Variants in ABL2 observed in about 807,000 individuals in gnomAD.
The protein encoded by ABL2 is tyrosine-protein kinase ABL2.
Under a neutral mutation model 107.7 loss-of-function variants are expected in ABL2, and 49 were observed. The ratio of observed to expected loss-of-function variants is 0.45; its 90% CI spans 0.36 to 0.58. ABL2 has a LOEUF of 0.58. Ranked by LOEUF, ABL2 falls within the 20% of genes least tolerant of loss-of-function variation. The pLI, the probability that ABL2 is intolerant of heterozygous loss-of-function variation, is 0.00. For synonymous variants in ABL2, 549 were observed against 548.6 expected (o/e 1.00, Z -0.01); for missense variants, 1,245 against 1,457.0 (o/e 0.85, Z 2.37).
intron 1 of ABL2, among the ~76,000 whole-genome samples, chr1:179,154,486 T>C (rs1658562072): frequency 2.0e-5 from 3 of 152,230 alleles, no homozygotes. Flanking sequence ...TCTACTGTGT[T>C]TTCCTCCTGC....
intron 1 of ABL2, among the ~76,000 whole-genome samples, chr1:179,170,334 T>C (rs954263384): frequency 6.6e-6 from 1 of 152,144 alleles, no homozygotes; most frequent in Non-Finnish European, 1.5e-5. Flanking sequence ...GTTTCCAACA[T>C]GCAAGCTTTG....
chr1:179,205,278 A>G (rs758054876), intron 1 of ABL2, among the ~76,000 whole-genome samples: 7 of 151,746 alleles, frequency 4.6e-5, no homozygotes, highest in African/African-American at 7.3e-5. Flanking sequence ...GCCCACCTCA[A>G]CCTCCCAAAG....
At position 179,131,384 on chromosome 1, in the gene ABL2, C is replaced by G. The variant is rs763949080; in HGVS notation, c.318G>C (p.Glu106Asp). The G allele has an allele frequency of 6.2e-7, 1 of 1,614,234 alleles. No individual in the cohort carries two copies. Among genetic ancestry groups the G allele is most frequent in the African/African-American group, 1.3e-5 (1 of 75,070 alleles). Residue 106 changes from glutamate (E) to aspartate (D), a missense_variant, in exon 3 of 12, where the codon GAG becomes GAC. Coordinates refer to ENST00000502732, the MANE Select transcript of ABL2 (RefSeq NM_007314.4). ...GTGCAACGAAGAGATTAGGGTCACT[C>G]TCAGTGGCTCCGAGCAAGTTCTCCT... ...SSKENLLGAT[E>D]SDPNLFVALY...
chr1:179,107,611 C>T lies in ABL2; in HGVS notation c.*107G>A, dbSNP rs1653555244. ...GGATCTGAGGTACTTCACATAAACA[C>T]ACTCAAGTATGAGTCTTTCATTTTC... On this transcript the variant is annotated 3_prime_UTR_variant, in exon 12 of 12. Coordinates refer to ENST00000502732, the MANE Select transcript of ABL2 (RefSeq NM_007314.4). The T allele has an allele frequency of 4.0e-6, 6 of 1,506,720 alleles. No individual in the cohort carries two copies. The South Asian group carries it at 4.1e-5, about 10-fold the overall frequency. The allele number at this position is 1,506,720 out of a possible 1,614,324, so 93.3% of individuals were successfully genotyped here.
At chr1:179,130,331 G>C (rs555956684) in intron 3 of ABL2, among the ~76,000 whole-genome samples, 3 of 152,232 alleles carry the variant, frequency 2.0e-5, no homozygotes, top group Admixed American at 6.5e-5. Context: ...CTGCCTATCT[G>C]AGGACTGTTC....
At chr1:179,226,045 A>C (rs1298413039) in intron 1 of ABL2, among the ~76,000 whole-genome samples, 1 of 60,922 alleles carries the variant, frequency 1.6e-5, no homozygotes, top group Non-Finnish European at 3.8e-5. Flanking sequence ...CTCCGCCTCA[A>C]AAAAAAAAAA....
intron 1 of ABL2, among the ~76,000 whole-genome samples, chr1:179,133,584 A>C (rs1462040697): frequency 6.6e-6 from 1 of 152,134 alleles, no homozygotes; most frequent in African/African-American, 2.4e-5. Context: ...CTTGGTTCAC[A>C]CAGTCCAGAC....
intron 1 of ABL2, among the ~76,000 whole-genome samples, chr1:179,220,775 G>A (rs1399760709): frequency 6.6e-6 from 1 of 152,284 alleles, no homozygotes; most frequent in Non-Finnish European, 1.5e-5. Context: ...TGAAACTGAA[G>A]GTCTTTTCAC....
At chr1:179,226,474 A>G (rs1444699214) in intron 1 of ABL2, among the ~76,000 whole-genome samples, 3 of 151,774 alleles carry the variant, frequency 2.0e-5, no homozygotes, top group African/African-American at 7.3e-5. Context: ...ATGCCCAGCT[A>G]ATTTTTCTAT....
At chr1:179,119,414 G>A (rs577039784) in intron 6 of ABL2, among the ~76,000 whole-genome samples, 2 of 152,058 alleles carry the variant, frequency 1.3e-5, no homozygotes, top group South Asian at 4.1e-4. Flanking sequence ...TGCACGTTGA[G>A]GCACGAGAAT....
chr1:179,116,427 G>A (rs1304223321), intron 8 of ABL2, among the ~76,000 whole-genome samples: 1 of 151,892 alleles, frequency 6.6e-6, no homozygotes, highest in African/African-American at 2.4e-5. Context: ...ACAGAGGGAG[G>A]ATCATTAGCA....
intron 1 of ABL2, among the ~76,000 whole-genome samples, chr1:179,178,689 A>C (rs1660197840): frequency 6.6e-6 from 1 of 152,158 alleles, no homozygotes; most frequent in South Asian, 2.1e-4. Flanking sequence ...CAGGAGTTCA[A>C]GACAAGTCTG....
At chr1:179,222,052 C>T (rs1662898104) in intron 1 of ABL2, 1 of 194,176 alleles carries the variant, frequency 5.1e-6, no homozygotes, top group Non-Finnish European at 1.2e-5. Flanking sequence ...TGTGTGATTG[C>T]AGCCCACGGC....
chr1:179,191,523 C>A (rs977681108), intron 1 of ABL2, among the ~76,000 whole-genome samples: 13 of 146,452 alleles, frequency 8.9e-5, no homozygotes. Context: ...TGGGTTCAAG[C>A]GATTCTCTTG....
At chr1:179,165,439 A>C (rs917753404) in intron 1 of ABL2, among the ~76,000 whole-genome samples, 4 of 152,188 alleles carry the variant, frequency 2.6e-5, no homozygotes. Context: ...ATTAAAAAAA[A>C]AAACTAGTAC....
Position 179,117,379 on chromosome 1 carries a change from G to T in ABL2, c.1361C>A (p.Pro454Gln). The change falls in exon 8 of 12, where the codon CCA becomes CAA. Residue 454 changes from proline (P) to glutamine (Q), a missense_variant. By Grantham distance (76) the Pro-to-Gln change is moderately conservative (BLOSUM62 -1). Coordinates refer to ENST00000502732, the MANE Select transcript of ABL2 (RefSeq NM_007314.4). ...GAKFPIKWTA[P>Q]ESLAYNTFSI... is the part of the protein sequence containing the mutation. ...GAAGGTATTGTAGGCAAGACTCTCTGGTGCTGTCCACTTAATAGGAAATTT... is the reference window on the plus strand; with the variant it reads ...GAAGGTATTGTAGGCAAGACTCTCTTGTGCTGTCCACTTAATAGGAAATTT... The T allele has an allele frequency of 6.2e-7, 1 of 1,614,136 alleles. No individual in the cohort carries two copies. The highest frequency in any genetic ancestry group is 8.5e-7 in the Non-Finnish European group (1 of 1,180,034).
chr1:179,213,288 G>GTATT (rs937506517), intron 1 of ABL2, among the ~76,000 whole-genome samples: 2 of 151,476 alleles, frequency 1.3e-5, no homozygotes, highest in Non-Finnish European at 2.9e-5. Flanking sequence ...TAGCTTATTT[G>GTATT]TATTTATTTA....
At chr1:179,115,124 T>TAC in intron 8 of ABL2, 94 bp from the exon 9 acceptor site, 2 of 1,192,070 alleles carry the variant, frequency 1.7e-6, no homozygotes, top group Non-Finnish European at 2.3e-6. Context: ...TAGGTAACAT[T>TAC]CACACACTGT....
At chr1:179,140,985 G>C (rs2017688) in intron 1 of ABL2, among the ~76,000 whole-genome samples, 12,999 of 151,834 alleles carry the variant, frequency 0.086, 618 homozygotes, top group African/African-American at 0.093. Flanking sequence ...GTGTGGTGGC[G>C]GGTGCCTGTA....
Sources: gnomAD v4.1 joint callset for allele counts (sites outside exome capture counted in the v4.1 genomes callset) on GRCh38, gnomAD v4.1.1 for gene constraint, MANE v1.5 for transcripts, NCBI Gene and HGNC (gene_info 2026-07-23, HGNC 2026-07-21) for gene names.